Variants in TIA1 observed in about 807,000 individuals in gnomAD.
TIA1 encodes the protein cytotoxic granule associated RNA binding protein TIA1.
TIA1 carries 23 observed loss-of-function variants against 65.9 expected under a neutral mutation model. The ratio of observed to expected loss-of-function variants is 0.35; its 90% CI spans 0.25 to 0.49. The LOEUF is 0.49. Ranked by LOEUF, TIA1 falls within the 20% of genes least tolerant of loss-of-function variation. TIA1 has a pLI of 0.98. For synonymous variants in TIA1, 147 were observed against 149.4 expected (o/e 0.98, Z 0.12); for missense variants, 371 against 477.9 (o/e 0.78, Z 2.09).
At chr2:70,227,373 T>C (rs1684272825) in intron 6 of TIA1, among the ~76,000 whole-genome samples, 1 of 152,168 alleles carries the variant, frequency 6.6e-6, no homozygotes, top group Non-Finnish European at 1.5e-5. Context: ...ACAAAATGCA[T>C]GGTATCATAG....
intron 1 of TIA1, among the ~76,000 whole-genome samples, chr2:70,239,144 G>A (rs1690527452): frequency 6.6e-6 from 1 of 152,294 alleles, no homozygotes; most frequent in Admixed American, 6.5e-5. Flanking sequence ...CCAGGCTGGA[G>A]TGCAGTGGCG....
chr2:70,227,701 AT>A (rs766175816), intron 6 of TIA1, 33 bp downstream of exon 6: 1 of 1,411,274 alleles, frequency 7.1e-7, no homozygotes, highest in South Asian at 1.3e-5. Flanking sequence ...ATTGTTTCTA[AT>A]TAAAAGGATT....
chr2:70,212,880 GA>G (rs1558740559), intron 12 of TIA1, 35 bp from the exon 13 acceptor site: 1 of 1,375,728 alleles, frequency 7.3e-7, no homozygotes, highest in Non-Finnish European at 1.0e-6. Flanking sequence ...GAGGGGAGAG[GA>G]AATCCACTGA....
intron 1 of TIA1, among the ~76,000 whole-genome samples, chr2:70,241,335 G>C (rs1159982971): frequency 6.6e-6 from 1 of 152,092 alleles, no homozygotes; most frequent in African/African-American, 2.4e-5. Flanking sequence ...TCAGCTACTA[G>C]GGAGGCCGAG....
Position 70,215,706 on chromosome 2 carries a change from G to C in TIA1, c.765-212C>G, listed in dbSNP as rs141509622. On this transcript the variant is annotated intron_variant, in intron 10 of 12. Transcript: ENST00000433529. Reference sequence around the variant, plus strand: ...TCACTGGCCTTGTGTTAGGGAGGGAGCTATAAAATCACAGAGGCAAATACG... The same window carrying C: ...TCACTGGCCTTGTGTTAGGGAGGGACCTATAAAATCACAGAGGCAAATACG... The C allele has an allele frequency of 8.1e-5, 39 of 482,620 alleles. No individual in the cohort carries two copies. The East Asian group carries it at 1.4e-3, about 18-fold the overall frequency. 29.9% of individuals were successfully genotyped at this position (482,620 alleles called of 1,614,324 possible).
intron 1 of TIA1, among the ~76,000 whole-genome samples, chr2:70,243,853 A>G (rs970428003): frequency 6.6e-6 from 1 of 152,210 alleles, no homozygotes; most frequent in Non-Finnish European, 1.5e-5. Context: ...CACTTTCACC[A>G]GCACTAACTA....
chr2:70,244,249 A>G (rs1693202232), intron 1 of TIA1, among the ~76,000 whole-genome samples: 9 of 152,078 alleles, frequency 5.9e-5, no homozygotes, highest in Admixed American at 5.9e-4. Flanking sequence ...TCAAAGGATG[A>G]CCTTCCTTTA....
chr2:70,238,260 GTTTTTTTTTTTTTTTTTT>G (rs763865705), intron 1 of TIA1, among the ~76,000 whole-genome samples: 1 of 94,616 alleles, frequency 1.1e-5, no homozygotes, highest in African/African-American at 4.5e-5. Context: ...GTTCCCCCAA[GTTTTTTTTTTTTTTTTTT>G]TTTTTTTTTG....
chr2:70,228,358 G>A (rs982914906), intron 5 of TIA1: 4 of 1,287,320 alleles, frequency 3.1e-6, no homozygotes, highest in Non-Finnish European at 4.0e-6. Context: ...CATTGCAACA[G>A]TTTGATGTTA....
At chr2:70,248,360 G>A (rs776374829) in intron 1 of TIA1, 45 bp downstream of exon 1, 4 of 1,590,744 alleles carry the variant, frequency 2.5e-6, no homozygotes, top group South Asian at 2.2e-5. Flanking sequence ...CCTTCCCTCC[G>A]GGACGACCAC....
chr2:70,214,705 C>T (rs547003611), intron 11 of TIA1, among the ~76,000 whole-genome samples: 11 of 151,314 alleles, frequency 7.3e-5, no homozygotes, highest in South Asian at 2.1e-4. Context: ...TGTAACTCTA[C>T]GTGATACTCT....
intron 1 of TIA1, among the ~76,000 whole-genome samples, chr2:70,247,877 T>C (rs59844893): frequency 0.073 from 11,042 of 151,846 alleles, 434 homozygotes; most frequent in East Asian, 0.18. Flanking sequence ...AATTGGCAAC[T>C]GCAAGAATAA....
At chr2:70,231,612 C>T (rs1686332393) in intron 2 of TIA1, among the ~76,000 whole-genome samples, 1 of 152,126 alleles carries the variant, frequency 6.6e-6, no homozygotes, top group African/African-American at 2.4e-5. Context: ...GTTCAAGCTA[C>T]ACAGATTAAG....
chr2:70,230,416 C>T (rs1230332444), intron 3 of TIA1, among the ~76,000 whole-genome samples: 5 of 151,934 alleles, frequency 3.3e-5, no homozygotes, highest in African/African-American at 9.7e-5. Flanking sequence ...TTTGCGAAGC[C>T]GAGGCAGGCA....
chr2:70,224,836 T>C, intron 6 of TIA1: 2 of 1,338,498 alleles, frequency 1.5e-6, no homozygotes, highest in East Asian at 2.8e-5. Flanking sequence ...TAAGTATATA[T>C]GTATATTTAT....
Position 70,230,994 on chromosome 2 carries a change from G to T in TIA1, c.124-140C>A, listed in dbSNP as rs902673910. On this transcript the variant is annotated intron_variant, in intron 2 of 12. Transcript: ENST00000433529. ...GGAGAATGAATGGTCTATTCCACAA[G>T]TAAATTTTAGATTTAAAAAAGTAGG... The T allele has an allele frequency of 2.1e-5, 12 of 585,048 alleles. No homozygotes were observed. The African/African-American group carries it at 2.1e-4, about 10-fold the overall frequency. 36.2% of individuals were successfully genotyped at this position (585,048 alleles called of 1,614,324 possible).
At chr2:70,241,356 C>T (rs1419542314) in intron 1 of TIA1, among the ~76,000 whole-genome samples, 3 of 151,926 alleles carry the variant, frequency 2.0e-5, no homozygotes, top group Non-Finnish European at 2.9e-5. Context: ...GCAGGAGAAT[C>T]GCTTGAACCC....
chr2:70,211,404 G>A lies in TIA1; in HGVS notation c.*1315C>T, dbSNP rs1242291374. 1 of 151,198 alleles carries A rather than the reference G, an allele frequency of 6.6e-6. No homozygotes were observed. The highest frequency in any genetic ancestry group is 2.4e-5 in the African/African-American group (1 of 41,204). 9.4% of individuals were successfully genotyped at this position (151,198 alleles called of 1,614,324 possible). A position where few individuals can be genotyped will look rare whatever the true frequency, so the allele number is the denominator to read the frequency against. On this transcript the variant is annotated 3_prime_UTR_variant, in exon 13 of 13. Coordinates refer to ENST00000433529, the MANE Select transcript of TIA1 (RefSeq NM_022173.4). ...TTCTCTTATCTGAAGGCTGTTTAAAGAGGTAGGATTTTAAGGTTTTTTTTT... is the reference window on the plus strand; with the variant it reads ...TTCTCTTATCTGAAGGCTGTTTAAAAAGGTAGGATTTTAAGGTTTTTTTTT...
In TIA1 at chr2:70,248,545, T is replaced by G. The variant is rs1217888530; in HGVS notation, c.-115A>C. 1 of 1,493,702 alleles carries G rather than the reference T, an allele frequency of 6.7e-7. No individual in the cohort carries two copies. The highest frequency in any genetic ancestry group is 1.8e-5 in the Admixed American group (1 of 56,518). 92.5% of individuals were successfully genotyped at this position (1,493,702 alleles called of 1,614,324 possible). ...GTGGGGTTTCTCGGCTGACCAGAGGTTACTCCGCCTCCTCCTCCGGCGGCA... is the reference window on the plus strand; with the variant it reads ...GTGGGGTTTCTCGGCTGACCAGAGGGTACTCCGCCTCCTCCTCCGGCGGCA... On this transcript the variant is annotated 5_prime_UTR_variant, in exon 1 of 13. Coordinates refer to ENST00000433529, the MANE Select transcript of TIA1 (RefSeq NM_022173.4).
Sources: allele counts gnomAD v4.1 joint callset (sites outside exome capture counted in the v4.1 genomes callset), GRCh38; gene constraint gnomAD v4.1.1; transcripts MANE v1.5; gene names NCBI Gene and HGNC (gene_info 2026-07-23, HGNC 2026-07-21).